The following BCLAF3 variants were observed in gnomAD, a reference collection of about 807,000 sequenced individuals.
BCLAF3 encodes the protein BCLAF1 and THRAP3 family member 3, also known as transient octamer binding factor 1.
A neutral mutation model predicts 51.2 loss-of-function variants in BCLAF3; 24 were observed. That is an observed-to-expected ratio of 0.47 (90% CI 0.34 to 0.66). The LOEUF (loss-of-function observed/expected upper bound fraction) is 0.66, where lower values mean the gene tolerates loss of function less well. Ranked by LOEUF, BCLAF3 falls within the 30% of genes least tolerant of loss-of-function variation. BCLAF3 has a pLI of 0.01. For synonymous variants in BCLAF3, 152 were observed against 176.6 expected (o/e 0.86, Z 1.10); for missense variants, 465 against 525.1 (o/e 0.89, Z 1.12).
chrX:19,975,175 T>A (rs1276724258), intron 1 of BCLAF3, among the ~76,000 whole-genome samples: 2 of 109,782 alleles, frequency 1.8e-5, no homozygotes, highest in Non-Finnish European at 3.8e-5. Context: ...AGCTGCTTGA[T>A]AGATAAGAGA....
intron 7 of BCLAF3, among the ~76,000 whole-genome samples, 183 bp from the exon 8 acceptor site, chrX:19,951,051 TA>T (rs1376426003): frequency 8.9e-6 from 1 of 111,928 alleles, no homozygotes; most frequent in Non-Finnish European, 1.9e-5. Flanking sequence ...GAAAAGTTCC[TA>T]ATATTGAACC....
intron 1 of BCLAF3, among the ~76,000 whole-genome samples, chrX:19,971,237 C>T (rs931535073): frequency 2.7e-5 from 3 of 111,784 alleles, no homozygotes; most frequent in East Asian, 5.6e-4. Context: ...CGTGCACATC[C>T]GCACCTGGCT....
chrX:19,927,773 C>A (rs2070406491), intron 11 of BCLAF3, among the ~76,000 whole-genome samples: 2 of 109,552 alleles, frequency 1.8e-5, no homozygotes, highest in Admixed American at 2.0e-4. Flanking sequence ...TCCCAAGTAG[C>A]TGGGACTACA....
At chrX:19,988,376 T>C (rs969309131) in intron 1 of BCLAF3, among the ~76,000 whole-genome samples, 5 of 112,039 alleles carry the variant, frequency 4.5e-5, no homozygotes, top group African/African-American at 1.6e-4. Context: ...TGAAAGAGTA[T>C]GGGGGCAAAG....
chrX:19,968,722 T>C (rs1348120316), intron 2 of BCLAF3, among the ~76,000 whole-genome samples: 1 of 112,950 alleles, frequency 8.9e-6, no homozygotes, highest in Non-Finnish European at 1.9e-5. Flanking sequence ...TCCTTTATAG[T>C]TCTTAACAAA....
chrX:19,921,528 ACCCTG>A (rs1185961137), intron 11 of BCLAF3, among the ~76,000 whole-genome samples: 10 of 110,290 alleles, frequency 9.1e-5, no homozygotes, highest in Admixed American at 9.7e-5. Context: ...ACATGGTGAA[ACCCTG>A]TCTCCACCAA....
chrX:19,949,482 T>C (rs2071407868), intron 8 of BCLAF3, among the ~76,000 whole-genome samples: 1 of 112,114 alleles, frequency 8.9e-6, no homozygotes, highest in Non-Finnish European at 1.9e-5. Flanking sequence ...TTCTTGGTAC[T>C]GGGTTTCTTA....
chrX:19,954,469 A>G (rs946848310), intron 5 of BCLAF3, among the ~76,000 whole-genome samples: 7 of 111,955 alleles, frequency 6.3e-5, no homozygotes, highest in Admixed American at 2.9e-4. Context: ...TACTTAAGCA[A>G]TCCTCTTCCC....
At position 19,955,558 on chromosome X, in the gene BCLAF3, G is replaced by A; in HGVS notation, c.1283C>T (p.Ser428Phe). 8.5e-7 allele frequency: 1 copy of A among 1,183,103 alleles called. No homozygotes were observed. Among genetic ancestry groups the A allele is most frequent in the South Asian group, 2.0e-5 (1 of 50,803 alleles). ...KKTVDTFRVA[S>F]SYSTERQMSH... The stretch of plus-strand genomic sequence containing the variant: ...CATCTGTCTCTCTGTGGAATAGCTA[G>A]AAGCAACCCTAGAATAATTTGCAAA... Residue 428 changes from serine (S) to phenylalanine (F), a missense_variant, in exon 5 of 12, where the codon TCT becomes TTT. Ser to Phe is a radical substitution (Grantham distance 155). Transcript: ENST00000379682.
intron 10 of BCLAF3, among the ~76,000 whole-genome samples, chrX:19,934,285 T>C (rs1211457073): frequency 1.8e-5 from 2 of 112,200 alleles, no homozygotes; most frequent in East Asian, 2.8e-4. Context: ...ATAAATCTTA[T>C]GATGCTGTTA....
At chrX:19,948,659 T>G (rs1198422359) in intron 8 of BCLAF3, among the ~76,000 whole-genome samples, 1 of 109,023 alleles carries the variant, frequency 9.2e-6, no homozygotes. Context: ...TGGTCCCAGC[T>G]GCTCGGGAGG....
chrX:19,953,180 A>T, intron 6 of BCLAF3, 129 bp from the exon 7 acceptor site: 1 of 508,737 alleles, frequency 2.0e-6, no homozygotes, highest in South Asian at 3.8e-5. Flanking sequence ...ACTTGCTACC[A>T]GATAGTTTTT....
chrX:19,933,520 G>A (rs913824593), intron 10 of BCLAF3, among the ~76,000 whole-genome samples: 2 of 111,563 alleles, frequency 1.8e-5, no homozygotes, highest in African/African-American at 6.5e-5. Flanking sequence ...ACATAATGAA[G>A]CACATAATTT....
At chrX:19,938,897 C>T (rs1331535264) in intron 8 of BCLAF3, among the ~76,000 whole-genome samples, 1 of 112,359 alleles carries the variant, frequency 8.9e-6, no homozygotes, top group Non-Finnish European at 1.9e-5. Flanking sequence ...GCCCATGTAG[C>T]ATTTTTAGGT....
At chrX:19,954,065 C>T in intron 5 of BCLAF3, 173 bp from the exon 6 acceptor site, 2 of 754,108 alleles carry the variant, frequency 2.7e-6, no homozygotes, top group Non-Finnish European at 3.1e-6. Flanking sequence ...ACGTGCCTTC[C>T]CAAGCCCAAA....
At chrX:19,962,724 G>A (rs775009728) in intron 4 of BCLAF3, among the ~76,000 whole-genome samples, 14 of 111,900 alleles carry the variant, frequency 1.3e-4, no homozygotes, top group East Asian at 5.6e-4. Context: ...GTATATAGGC[G>A]TTCACTGTAG....
At chrX:19,941,683 T>C (rs1343664386) in intron 8 of BCLAF3, among the ~76,000 whole-genome samples, 1 of 109,071 alleles carries the variant, frequency 9.2e-6, no homozygotes, top group East Asian at 2.8e-4. Context: ...AGCCTTGTAG[T>C]ATAGTTTGAA....
chrX:19,975,558 G>C (rs1265147656), intron 1 of BCLAF3, among the ~76,000 whole-genome samples: 1 of 111,472 alleles, frequency 9.0e-6, no homozygotes, highest in Non-Finnish European at 1.9e-5. Context: ...TGGCCAGGCT[G>C]GTCCTGAACT....
In BCLAF3 at chrX:19,915,683, T is replaced by C. The variant is rs1206401857; in HGVS notation, c.*1622A>G. On this transcript the variant is annotated 3_prime_UTR_variant, in exon 12 of 12. Transcript: ENST00000379682. ...TCCATGTGTCTTGTCTTCTTGTTCA[T>C]TGCTGTAATTTTAGTACAGTATCTG... The C allele has an allele frequency of 1.2e-4, 13 of 112,301 alleles. No homozygotes were observed. Among genetic ancestry groups the C allele is most frequent in the Non-Finnish European group, 3.8e-5 (2 of 53,276 alleles). The allele number at this position is 112,301 out of a possible 1,213,427, so 9.3% of individuals were successfully genotyped here.
Sources: gnomAD v4.1 joint callset for allele counts (sites outside exome capture counted in the v4.1 genomes callset) on GRCh38, gnomAD v4.1.1 for gene constraint, MANE v1.5 for transcripts, NCBI Gene and HGNC (gene_info 2026-07-23, HGNC 2026-07-21) for gene names.